HMCN1: variants seen among roughly 807,000 people sequenced by gnomAD.
HMCN1 encodes hemicentin 1, also known as hemicentin-1.
Under a neutral mutation model 625.9 loss-of-function variants are expected in HMCN1, and 321 were observed. The observed-to-expected ratio is 0.51, with a 90% CI of 0.47 to 0.56. The LOEUF (loss-of-function observed/expected upper bound fraction) is 0.56. Among genes scored for constraint, HMCN1 ranks in the 20% least tolerant of loss-of-function variants. HMCN1 has a pLI of 0.00. For missense variants in HMCN1, 6,588 were observed against 6,887.3 expected (o/e 0.96, Z 1.54); for synonymous variants, 2,425 against 2,417.6 (o/e 1.00, Z -0.09).
chr1:186,120,514 T>C (rs77148880), intron 80 of HMCN1, among the ~76,000 whole-genome samples: 2 of 152,208 alleles, frequency 1.3e-5, no homozygotes, highest in Non-Finnish European at 2.9e-5. Context: ...AAAATCATAA[T>C]CGCAGTTAAA....
At chr1:186,129,823 G>A (rs2102514466) in intron 83 of HMCN1, 143 bp from the exon 84 acceptor site, 3 of 951,258 alleles carry the variant, frequency 3.2e-6, no homozygotes, top group South Asian at 2.7e-5. Context: ...ATGAAGAAAT[G>A]TGGAAAAGGC....
intron 80 of HMCN1, among the ~76,000 whole-genome samples, chr1:186,120,645 GGT>G (rs1452884289): frequency 6.6e-6 from 1 of 152,120 alleles, no homozygotes; most frequent in African/African-American, 2.4e-5. Context: ...GCAAATTAGA[GGT>G]GACCCAGAAA....
chr1:185,909,650 A>G (rs958580397), intron 5 of HMCN1, 142 bp downstream of exon 5: 80 of 758,198 alleles, frequency 1.1e-4, no homozygotes, highest in Middle Eastern at 7.5e-4. Flanking sequence ...AGGTGTTTAA[A>G]AAATGTAACA....
At chr1:185,884,169 A>G (rs1219149255) in intron 4 of HMCN1, among the ~76,000 whole-genome samples, 2 of 151,842 alleles carry the variant, frequency 1.3e-5, no homozygotes, top group East Asian at 1.9e-4. Flanking sequence ...CATGTATTCA[A>G]TGAGGTCTCA....
intron 6 of HMCN1, 95 bp downstream of exon 6, chr1:185,911,875 G>A (rs1666443702): frequency 2.2e-6 from 2 of 911,596 alleles, no homozygotes; most frequent in African/African-American, 3.3e-5. Context: ...ATACACTCTT[G>A]CTATCATGGA....
At chr1:186,166,661 G>C (rs1651898126) in intron 99 of HMCN1, 147 bp from the exon 100 acceptor site, 1 of 1,036,766 alleles carries the variant, frequency 9.6e-7, no homozygotes, top group Non-Finnish European at 1.5e-6. Flanking sequence ...TAGCCCACCT[G>C]ATGTGACTCA....
intron 1 of HMCN1, among the ~76,000 whole-genome samples, chr1:185,749,806 C>G (rs529558221): frequency 1.3e-5 from 2 of 152,328 alleles, no homozygotes; most frequent in South Asian, 4.1e-4. Context: ...TCCCACCTTC[C>G]CTTTCTGATG....
Position 186,087,200 on chromosome 1 carries a change from A to G in HMCN1, c.9047-17A>G. 8 of 1,522,580 alleles carry G rather than the reference A, an allele frequency of 5.3e-6. No individual in the cohort carries two copies. Among genetic ancestry groups the G allele is most frequent in the Non-Finnish European group, 7.3e-6 (8 of 1,097,176 alleles). 94.3% of individuals were successfully genotyped at this position (1,522,580 alleles called of 1,614,324 possible). A position where few individuals can be genotyped will look rare whatever the true frequency, so the allele number is the denominator to read the frequency against. On this transcript the variant is annotated splice_polypyrimidine_tract_variant and intron_variant, in intron 58 of 106. Coordinates refer to ENST00000271588, the MANE Select transcript of HMCN1 (RefSeq NM_031935.3). The stretch of plus-strand genomic sequence containing the variant: ...ACCTGTATACCACTCTACAATTTGC[A>G]TTCTATTTACCTACAGGTGGTCGAA...
At chr1:186,173,791 T>TCTAG (rs1558281474) in intron 102 of HMCN1, among the ~76,000 whole-genome samples, 4 of 152,114 alleles carry the variant, frequency 2.6e-5, no homozygotes, top group Non-Finnish European at 4.4e-5. Context: ...TCAGAAACTT[T>TCTAG]TTAAGAAGCT....
chr1:186,019,244 T>C (rs1654558280), intron 34 of HMCN1, among the ~76,000 whole-genome samples: 1 of 152,054 alleles, frequency 6.6e-6, no homozygotes. Context: ...AGGGTCATTA[T>C]AGATTAGTAA....
chr1:185,859,023 GTGTGTGT>G lies in HMCN1; in HGVS notation c.340-5446_340-5440del, dbSNP rs1662692095. ...AAAGAAACCAGTGGGTTAAAGATGT[GTGTGTGT>G]GTGTGTGTGTGTGTGTGTGTGTGTG... On this transcript the variant is annotated intron_variant, in intron 2 of 106. Coordinates refer to ENST00000271588, the MANE Select transcript of HMCN1 (RefSeq NM_031935.3). 1.2e-4 allele frequency among the ~76,000 whole-genome samples: 4 copies of G among 33,786 alleles called. No individual in the cohort carries two copies. In the South Asian group the frequency reaches 3.8e-3, roughly 32 times the overall value. The allele number at this position is 33,786 out of a possible 152,430, so 22.2% of individuals were successfully genotyped here.
chr1:186,110,822 C>T (rs1366802298), intron 71 of HMCN1, among the ~76,000 whole-genome samples: 2 of 151,604 alleles, frequency 1.3e-5, no homozygotes, highest in African/African-American at 2.4e-5. Context: ...TATTCATACC[C>T]AAGGTGGGGG....
intron 40 of HMCN1, among the ~76,000 whole-genome samples, chr1:186,042,907 A>T (rs916563401): frequency 3.9e-5 from 6 of 152,076 alleles, no homozygotes; most frequent in Admixed American, 3.9e-4. Flanking sequence ...TGGGGGGTGG[A>T]ATAGGGGAAG....
At position 185,830,330 on chromosome 1, in the gene HMCN1, A is replaced by G. The variant is rs1166851213; in HGVS notation, c.269-15696A>G. ...GTCATGAAGGCTTTGCCCGTGCCGT[A>G]TGTCCTGAATGGTTTTGCCTAGGTT... On this transcript the variant is annotated intron_variant, in intron 1 of 106. Transcript: ENST00000271588. 2.0e-5 allele frequency among the ~76,000 whole-genome samples: 3 copies of G among 152,116 alleles called. 1 individual carries two copies. Among genetic ancestry groups the G allele is most frequent in the African/African-American group, 7.2e-5 (3 of 41,422 alleles).
At chr1:186,148,584 C>T (rs1280952009) in intron 93 of HMCN1, among the ~76,000 whole-genome samples, 3 of 152,126 alleles carry the variant, frequency 2.0e-5, no homozygotes, top group African/African-American at 7.2e-5. Context: ...TCTCAGCTCA[C>T]TGCAACCTCT....
chr1:185,845,468 G>A (rs987874672), intron 1 of HMCN1, among the ~76,000 whole-genome samples: 7 of 152,100 alleles, frequency 4.6e-5, no homozygotes, highest in Admixed American at 2.6e-4. Context: ...TGATCTGCCC[G>A]CCTTGGACTC....
In HMCN1 at chr1:186,152,778, C is replaced by T; in HGVS notation, c.14925C>T (p.Ala4975=). The T allele has an allele frequency of 1.2e-6, 2 of 1,613,906 alleles. No homozygotes were observed. Among genetic ancestry groups the T allele is most frequent in the Non-Finnish European group, 1.7e-6 (2 of 1,179,858 alleles). The change falls in exon 96 of 107, where the codon GCC becomes GCT. Residue 4975 remains alanine, a synonymous_variant. Coordinates refer to ENST00000271588, the MANE Select transcript of HMCN1 (RefSeq NM_031935.3). ...AAATCTTGCAGATGAGTCATATTGC[C>T]CGGGGCTTGGATTCCGATGGTTCTT... is the stretch of plus-strand genomic sequence containing the variant. ...TGEILQMSHI[A]RGLDSDGSLL...
chr1:186,117,102 T>A lies in HMCN1; in HGVS notation c.11670T>A (p.Asp3890Glu), dbSNP rs935117430. 1 of 1,613,286 alleles carries A rather than the reference T, an allele frequency of 6.2e-7. No individual in the cohort carries two copies. Among genetic ancestry groups the A allele is most frequent in the East Asian group, 2.2e-5 (1 of 44,852 alleles). Residue 3890 changes from aspartate to glutamate, a missense_variant, in exon 76 of 107, where the codon GAT (aspartate) becomes GAA (glutamate). Transcript: ENST00000271588. ...CTGGAGATGATAAAAGAACTGTGGA[T>A]CTCACTGTCCAAGGTAGAATTGGCT... Reference protein sequence around the residue: ...NGAGDDKRTVDLTVQVPPSIA... With the variant: ...NGAGDDKRTVELTVQVPPSIA...
intron 11 of HMCN1, among the ~76,000 whole-genome samples, chr1:185,943,546 G>C (rs2102516064): frequency 6.6e-6 from 1 of 152,324 alleles, no homozygotes; most frequent in East Asian, 1.9e-4. Context: ...GGTACAGTCA[G>C]ATGGAAGTCG....
Sources: gnomAD v4.1 joint callset for allele counts (sites outside exome capture counted in the v4.1 genomes callset) on GRCh38, gnomAD v4.1.1 for gene constraint, MANE v1.5 for transcripts, NCBI Gene and HGNC (gene_info 2026-07-23, HGNC 2026-07-21) for gene names.